SLC5A11: variants seen among roughly 807,000 people sequenced by gnomAD.
The protein encoded by SLC5A11 is sodium/myo-inositol cotransporter 2.
In SLC5A11, 48 loss-of-function variants were observed where a neutral mutation model predicts 69.8. That is an observed-to-expected ratio of 0.69 (90% CI 0.55 to 0.87). The LOEUF is 0.87. SLC5A11 is among the 40% of genes least tolerant of loss of function. SLC5A11 has a pLI of 0.00. For missense variants in SLC5A11, 784 were observed against 866.1 expected (o/e 0.91, Z 1.19); for synonymous variants, 319 against 342.4 (o/e 0.93, Z 0.75).
chr16:24,857,349 C>A (rs1297833654), intron 1 of SLC5A11, among the ~76,000 whole-genome samples: 1 of 152,150 alleles, frequency 6.6e-6, no homozygotes, highest in Admixed American at 6.5e-5. Context: ...CACTTGTGGT[C>A]AAAAATCACC....
chr16:24,857,125 G>A (rs562912474), intron 1 of SLC5A11, among the ~76,000 whole-genome samples: 1 of 152,190 alleles, frequency 6.6e-6, no homozygotes, highest in Non-Finnish European at 1.5e-5. Context: ...CGGCCAAGGT[G>A]TACAGCTTCG....
intron 5 of SLC5A11, 90 bp downstream of exon 6, chr16:24,872,309 C>T: frequency 2.1e-6 from 3 of 1,446,852 alleles, no homozygotes; most frequent in South Asian, 2.3e-5. Flanking sequence ...GCCATCCCTC[C>T]CTCCTGCCCA....
At chr16:24,870,459 A>ACACACACACACG in intron 4 of SLC5A11, among the ~76,000 whole-genome samples, 1 of 149,960 alleles carries the variant, frequency 6.7e-6, no homozygotes. Context: ...ACACACACAC[A>ACACACACACACG]CACACAAACC....
At chr16:24,860,239 A>G (rs1194717608) in intron 2 of SLC5A11, among the ~76,000 whole-genome samples, 1 of 152,166 alleles carries the variant, frequency 6.6e-6, no homozygotes, top group African/African-American at 2.4e-5. Flanking sequence ...GTGAGCCGAG[A>G]TCGTGCCACT....
chr16:24,906,121 A>C (rs2050038870), intron 10 of SLC5A11, among the ~76,000 whole-genome samples: 1 of 152,102 alleles, frequency 6.6e-6, no homozygotes, highest in African/African-American at 2.4e-5. Flanking sequence ...TGGACGGATC[A>C]CTTGAGGTCA....
chr16:24,895,874 C>T (rs998563111), intron 9 of SLC5A11, among the ~76,000 whole-genome samples: 3 of 152,124 alleles, frequency 2.0e-5, no homozygotes, highest in Non-Finnish European at 2.9e-5. Context: ...GATGAAATAC[C>T]GCCCAAGGTG....
chr16:24,866,719 A>C (rs923536357), intron 3 of SLC5A11, among the ~76,000 whole-genome samples: 12 of 152,196 alleles, frequency 7.9e-5, no homozygotes, highest in Non-Finnish European at 1.6e-4. Context: ...ACCAGAAAAA[A>C]GCAGGAGTGG....
intron 8 of SLC5A11, among the ~76,000 whole-genome samples, chr16:24,890,483 CAAAAAAAAAAAAAAAAA>C (rs1171814653): frequency 3.9e-5 from 3 of 77,506 alleles, no homozygotes; most frequent in African/African-American, 1.9e-4. Context: ...GACTTCATAT[CAAAAAAAAAAAAAAAAA>C]AAAAAAAAAA....
At chr16:24,895,658 G>A (rs2152385867) in intron 9 of SLC5A11, among the ~76,000 whole-genome samples, 1 of 152,088 alleles carries the variant, frequency 6.6e-6, no homozygotes, top group African/African-American at 2.4e-5. Flanking sequence ...CTTGTGACCG[G>A]AGCTTTTTTG....
intron 14 of SLC5A11, among the ~76,000 whole-genome samples, chr16:24,909,785 T>C (rs1385466744): frequency 7.2e-6 from 1 of 139,288 alleles, no homozygotes; most frequent in Non-Finnish European, 1.5e-5. Flanking sequence ...GCTATGACCA[T>C]GCCACTGCAC....
chr16:24,866,362 G>A (rs1200292999), intron 3 of SLC5A11, among the ~76,000 whole-genome samples: 1 of 151,718 alleles, frequency 6.6e-6, no homozygotes, highest in Non-Finnish European at 1.5e-5. Context: ...ACTTTGGGAG[G>A]CCAAGATGGG....
intron 8 of SLC5A11, among the ~76,000 whole-genome samples, chr16:24,888,682 C>G (rs542274777): frequency 6.6e-6 from 1 of 150,398 alleles, no homozygotes; most frequent in South Asian, 2.1e-4. Context: ...TGGGGTTTCA[C>G]CATGTTGGCC....
intron 2 of SLC5A11, among the ~76,000 whole-genome samples, chr16:24,860,300 A>AT (rs1253518619): frequency 6.6e-6 from 1 of 151,748 alleles, no homozygotes; most frequent in Non-Finnish European, 1.5e-5. Flanking sequence ...AAATATATAT[A>AT]AAAAAATTAG....
chr16:24,910,247 G>T (rs1201522170), intron 14 of SLC5A11, 59 bp from the exon 16 acceptor site: 3 of 1,571,146 alleles, frequency 1.9e-6, no homozygotes, highest in Non-Finnish European at 2.6e-6. Context: ...GTGAGAAAAG[G>T]ATGGACAACC....
chr16:24,849,591 AAAAT>A (rs1203667982), intron 1 of SLC5A11, among the ~76,000 whole-genome samples: 11 of 57,524 alleles, frequency 1.9e-4, no homozygotes, highest in Non-Finnish European at 3.3e-4. Context: ...AAAAAAAAAA[AAAAT>A]ATATATATAT....
At chr16:24,910,498 G>C in intron 15 of SLC5A11, 21 bp downstream of exon 16, 1 of 1,611,060 alleles carries the variant, frequency 6.2e-7, no homozygotes, top group Non-Finnish European at 8.5e-7. Flanking sequence ...TCTCTCCTCA[G>C]TTACAGCAAG....
At chr16:24,898,056 T>C (rs143584843) in exon 10 of SLC5A11, 1,467 of 1,614,204 alleles carry the variant, frequency 9.1e-4, no homozygotes, top group Non-Finnish European at 1.1e-3. Context: ...CTGAAGGTGC[T>C]GCCCCTCTTC....
intron 5 of SLC5A11, among the ~76,000 whole-genome samples, chr16:24,872,834 CT>C (rs896538397): frequency 1.3e-5 from 2 of 149,194 alleles, no homozygotes; most frequent in African/African-American, 2.5e-5. Context: ...GCCTATGTTT[CT>C]GCTTTTTGCT....
intron 10 of SLC5A11, among the ~76,000 whole-genome samples, chr16:24,904,372 T>G (rs1257225125): frequency 6.6e-6 from 1 of 152,240 alleles, no homozygotes; most frequent in Non-Finnish European, 1.5e-5. Flanking sequence ...CCACCAACAA[T>G]GTATAAGAGT....
Sources: allele counts gnomAD v4.1 joint callset (sites outside exome capture counted in the v4.1 genomes callset), GRCh38; gene constraint gnomAD v4.1.1; transcripts MANE v1.5; gene names NCBI Gene and HGNC (gene_info 2026-07-23, HGNC 2026-07-21).